The following ANKAR variants were observed in gnomAD, a reference collection of about 807,000 sequenced individuals.
ANKAR encodes ankyrin and armadillo repeat containing, also known as ankyrin and armadillo repeat-containing protein.
In ANKAR, 136 loss-of-function variants were observed where a neutral mutation model predicts 146.2. The ratio of observed to expected loss-of-function variants is 0.93; its 90% CI spans 0.81 to 1.07. The LOEUF (loss-of-function observed/expected upper bound fraction) is 1.07, where lower values mean the gene tolerates loss of function less well. ANKAR is among the 50% of genes least tolerant of loss of function. The pLI is 0.00. For missense variants in ANKAR, 1,567 were observed against 1,679.9 expected (o/e 0.93, Z 1.18); for synonymous variants, 500 against 575.8 (o/e 0.87, Z 1.88).
intron 10 of ANKAR, among the ~76,000 whole-genome samples, chr2:189,714,619 G>C (rs2040165999): frequency 6.6e-6 from 1 of 152,168 alleles, no homozygotes; most frequent in African/African-American, 2.4e-5. Context: ...GCACTGCGTA[G>C]AGGGAAATTT....
At chr2:189,707,218 GAAAAT>G (rs1415645673) in intron 9 of ANKAR, 72 bp downstream of exon 9, 13 of 767,778 alleles carry the variant, frequency 1.7e-5, no homozygotes, top group Non-Finnish European at 2.2e-5. Flanking sequence ...CTGAAAGAGA[GAAAAT>G]AAAATAATAC....
At chr2:189,686,241 G>A (rs2035574394) in intron 2 of ANKAR, among the ~76,000 whole-genome samples, 1 of 152,140 alleles carries the variant, frequency 6.6e-6, no homozygotes, top group Non-Finnish European at 1.5e-5. Context: ...AAAAAGAAAG[G>A]AGGGGATACA....
chr2:189,734,777 A>T (rs1442093157), intron 17 of ANKAR, among the ~76,000 whole-genome samples: 1 of 152,094 alleles, frequency 6.6e-6, no homozygotes, highest in Non-Finnish European at 1.5e-5. Context: ...CAGCCTTGCC[A>T]ATATGGTGAA....
chr2:189,720,839 G>A, intron 12 of ANKAR, 52 bp downstream of exon 12: 1 of 1,346,618 alleles, frequency 7.4e-7, no homozygotes, highest in Non-Finnish European at 9.7e-7. Flanking sequence ...ATTAAGTGAA[G>A]CAAACATGGG....
chr2:189,749,329 G>A (rs2044726890), downstream of ANKAR, among the ~76,000 whole-genome samples: 1 of 149,124 alleles, frequency 6.7e-6, no homozygotes, highest in African/African-American at 2.5e-5. Context: ...GTCAGGCCCT[G>A]GAGGCTGAAG....
At chr2:189,760,885 G>A (rs2046951826) in intron 18 of ANKAR, among the ~76,000 whole-genome samples, 1 of 152,082 alleles carries the variant, frequency 6.6e-6, no homozygotes, top group Admixed American at 6.5e-5. Flanking sequence ...CATGACAACT[G>A]GCTAGAGCTG....
intron 2 of ANKAR, among the ~76,000 whole-genome samples, chr2:189,689,306 G>C (rs2036075356): frequency 6.6e-6 from 1 of 152,164 alleles, no homozygotes; most frequent in Non-Finnish European, 1.5e-5. Flanking sequence ...CAAGAACTTA[G>C]TTTTTAAGGT....
At chr2:189,734,316 C>G (rs753333108) in intron 17 of ANKAR, among the ~76,000 whole-genome samples, 13 of 152,166 alleles carry the variant, frequency 8.5e-5, no homozygotes, top group Non-Finnish European at 1.9e-4. Flanking sequence ...TCCATTGATG[C>G]AACAATAATA....
chr2:189,733,798 GTTT>G (rs571379187), intron 17 of ANKAR, among the ~76,000 whole-genome samples: 1 of 150,382 alleles, frequency 6.6e-6, no homozygotes, highest in South Asian at 2.1e-4. Context: ...TCCCTTTTTT[GTTT>G]TTTTTATTTA....
chr2:189,761,025 T>TATG (rs2046974711), intron 18 of ANKAR: 1 of 47,696 alleles, frequency 2.1e-5, no homozygotes, highest in African/African-American at 1.3e-4. Flanking sequence ...TACAACAGTG[T>TATG]ATTATTATTT....
Position 189,720,566 on chromosome 2 carries a change from G to T in ANKAR, c.2467-53G>T, listed in dbSNP as rs529044406. 3,045 of 1,229,514 alleles carry T rather than the reference G, an allele frequency of 2.5e-3. 7 individuals are homozygous for T. The highest frequency in any genetic ancestry group is 3.0e-3 in the Non-Finnish European group (2,837 of 945,754). 76.2% of individuals were successfully genotyped at this position (1,229,514 alleles called of 1,614,324 possible). On this transcript the variant is annotated intron_variant, in intron 11 of 22. Transcript: ENST00000684021. Reference sequence around the variant, plus strand: ...CGGCCAACTTGTATTTCTAAATAAAGATTACATTTATCTTAAACAAATTCA... The same window carrying T: ...CGGCCAACTTGTATTTCTAAATAAATATTACATTTATCTTAAACAAATTCA...
intron 10 of ANKAR, among the ~76,000 whole-genome samples, chr2:189,716,464 T>C (rs62185876): frequency 0.057 from 8,698 of 152,052 alleles, 349 homozygotes; most frequent in Non-Finnish European, 0.088. Context: ...GGAAGAACAT[T>C]CCATGCTCAT....
intron 18 of ANKAR, among the ~76,000 whole-genome samples, chr2:189,758,283 A>AC (rs966871949): frequency 6.6e-6 from 1 of 151,560 alleles, no homozygotes; most frequent in Non-Finnish European, 1.5e-5. Flanking sequence ...CTGAAGGCTG[A>AC]GGGGGGAGAA....
At chr2:189,687,636 A>T (rs6434362) in intron 2 of ANKAR, among the ~76,000 whole-genome samples, 149,385 of 152,302 alleles carry the variant, frequency 0.98, 73,339 homozygotes, top group East Asian at 1. Flanking sequence ...TTTGCCTGTC[A>T]TTTGGATAAA....
intron 18 of ANKAR, chr2:189,755,370 A>C (rs1452101465): frequency 1.9e-6 from 3 of 1,613,660 alleles, no homozygotes; most frequent in Non-Finnish European, 2.5e-6. Flanking sequence ...GGCTTTTTTA[A>C]CTGTCCTACC....
At chr2:189,734,189 C>G (rs1334006590) in intron 17 of ANKAR, among the ~76,000 whole-genome samples, 1 of 152,118 alleles carries the variant, frequency 6.6e-6, no homozygotes, top group Admixed American at 6.5e-5. Flanking sequence ...AAAATGGGGT[C>G]TGCCATAGTT....
chr2:189,720,304 A>G (rs527367543), intron 11 of ANKAR, among the ~76,000 whole-genome samples: 3 of 151,800 alleles, frequency 2.0e-5, no homozygotes, highest in Admixed American at 6.6e-5. Flanking sequence ...CTGGGGTGCA[A>G]TGGTGCAATC....
chr2:189,692,191 C>G, intron 3 of ANKAR, 64 bp from the exon 4 acceptor site: 1 of 1,353,994 alleles, frequency 7.4e-7, no homozygotes, highest in Non-Finnish European at 1.0e-6. Flanking sequence ...GAAGCTAGAT[C>G]TCTTAAAATA....
intron 16 of ANKAR, among the ~76,000 whole-genome samples, chr2:189,731,185 T>G (rs1486082349): frequency 1.3e-5 from 2 of 152,122 alleles, no homozygotes; most frequent in African/African-American, 4.8e-5. Flanking sequence ...AAAATGACAT[T>G]TACATCTATT....
Sources: allele counts gnomAD v4.1 joint callset (sites outside exome capture counted in the v4.1 genomes callset), GRCh38; gene constraint gnomAD v4.1.1; transcripts MANE v1.5; gene names NCBI Gene and HGNC (gene_info 2026-07-23, HGNC 2026-07-21).